FAF1: variants seen among roughly 807,000 people sequenced by gnomAD.
FAF1 encodes the protein Fas associated factor 1.
A neutral mutation model predicts 92.5 loss-of-function variants in FAF1; 25 were observed. The ratio of observed to expected loss-of-function variants is 0.27; its 90% confidence interval spans 0.20 to 0.38. FAF1 has a LOEUF of 0.38. FAF1 is among the 10% of genes least tolerant of loss of function. The pLI, the probability that FAF1 is intolerant of heterozygous loss-of-function variation, is 1.00. For missense variants in FAF1, 636 were observed against 793.3 expected, an observed-to-expected ratio of 0.80 and a Z score of 2.38; for synonymous variants, 234 against 273.2, an observed-to-expected ratio of 0.86 and a Z score of 1.42.
At chr1:50,459,631 G>C (rs1207427165) in intron 18 of FAF1, among the ~76,000 whole-genome samples, 2 of 152,096 alleles carry the variant, frequency 1.3e-5, no homozygotes, top group African/African-American at 4.8e-5. Context: ...TGATTCTGTT[G>C]TCTTCTCTTC....
At chr1:50,605,750 AAG>A (rs1367327314) in intron 8 of FAF1, among the ~76,000 whole-genome samples, 16 of 152,332 alleles carry the variant, frequency 1.1e-4, no homozygotes, top group South Asian at 4.1e-4. Flanking sequence ...GTGAGGGGGA[AAG>A]AGAGATCTGG....
chr1:50,777,470 A>G (rs1341951524), intron 4 of FAF1, among the ~76,000 whole-genome samples: 4 of 152,186 alleles, frequency 2.6e-5, no homozygotes, highest in Non-Finnish European at 4.4e-5. Context: ...AAAATGCCAT[A>G]GTGAATTTGT....
intron 4 of FAF1, chr1:50,780,961 G>T: frequency 2.1e-6 from 1 of 483,616 alleles, no homozygotes; most frequent in Non-Finnish European, 4.1e-6. Flanking sequence ...GGAACAGGAG[G>T]TCATCATCTC....
chr1:50,650,973 T>C (rs11205752), intron 8 of FAF1, among the ~76,000 whole-genome samples: 14,002 of 152,180 alleles, frequency 0.092, 823 homozygotes, highest in African/African-American at 0.17. Context: ...CCACACCCTA[T>C]TCGAGTACAA....
intron 1 of FAF1, among the ~76,000 whole-genome samples, chr1:50,931,222 C>A (rs1353087488): frequency 6.6e-6 from 1 of 152,140 alleles, no homozygotes; most frequent in East Asian, 1.9e-4. Flanking sequence ...AGTTTACTAT[C>A]TTGGTTCTTT....
intron 7 of FAF1, among the ~76,000 whole-genome samples, chr1:50,673,891 G>T (rs949403143): frequency 6.6e-6 from 1 of 151,392 alleles, no homozygotes; most frequent in Non-Finnish European, 1.5e-5. Context: ...TAAACTGAGG[G>T]TCCCAAACTC....
intron 4 of FAF1, among the ~76,000 whole-genome samples, chr1:50,783,831 C>T (rs1393152308): frequency 6.6e-6 from 1 of 152,102 alleles, no homozygotes; most frequent in Non-Finnish European, 1.5e-5. Context: ...ACCAAGATCA[C>T]ACCACTGCAC....
chr1:50,759,577 G>T (rs1419487505), intron 4 of FAF1, among the ~76,000 whole-genome samples: 2 of 152,004 alleles, frequency 1.3e-5, no homozygotes, highest in Non-Finnish European at 2.9e-5. Flanking sequence ...TTGGTTCCAA[G>T]TCTTTGCTAT....
At chr1:50,639,985 G>A (rs1464846140) in intron 8 of FAF1, among the ~76,000 whole-genome samples, 1 of 149,506 alleles carries the variant, frequency 6.7e-6, no homozygotes, top group Admixed American at 6.7e-5. Flanking sequence ...TTGTTATATG[G>A]TACCATACCA....
At chr1:50,594,527 G>A (rs1028591179) in intron 9 of FAF1, among the ~76,000 whole-genome samples, 1 of 147,910 alleles carries the variant, frequency 6.8e-6, no homozygotes, top group Non-Finnish European at 1.5e-5. Flanking sequence ...AGTGCTGTTT[G>A]TAGCCATGGA....
chr1:50,776,339 C>T (rs1660958974), intron 4 of FAF1, among the ~76,000 whole-genome samples: 1 of 152,134 alleles, frequency 6.6e-6, no homozygotes, highest in South Asian at 2.1e-4. Context: ...TATGTATCTA[C>T]TCCTGCTTCT....
intron 8 of FAF1, among the ~76,000 whole-genome samples, chr1:50,636,214 G>A (rs563866703): frequency 2.0e-5 from 3 of 152,080 alleles, no homozygotes; most frequent in African/African-American, 7.2e-5. Context: ...ATATTTAGAA[G>A]AGTTTTTATA....
intron 4 of FAF1, among the ~76,000 whole-genome samples, chr1:50,769,986 C>T (rs1449005140): frequency 1.3e-5 from 2 of 152,040 alleles, no homozygotes; most frequent in Middle Eastern, 3.4e-3. Flanking sequence ...GGGAGGCGGA[C>T]GTTGCAGTGA....
rs1398207267 is a variant in FAF1, at chr1:50,754,856, G to A, written c.368-10081C>T. ...TTACATGAATGGCAGCAAGCAGAGA[G>A]AGGTTGTGTAGGGAAACTCCTCCTT... On this transcript the variant is annotated intron_variant, in intron 4 of 18. Transcript: ENST00000396153. Among the ~76,000 whole-genome samples the A allele has an allele frequency of 2.0e-5, 3 of 152,112 alleles. No homozygotes were observed. The East Asian group carries it at 5.8e-4, about 29-fold the overall frequency.
chr1:50,638,943 A>G (rs549554575), intron 8 of FAF1, among the ~76,000 whole-genome samples: 1 of 152,328 alleles, frequency 6.6e-6, no homozygotes, highest in Non-Finnish European at 1.5e-5. Context: ...ACACATTTCT[A>G]TGACTCCCAA....
chr1:50,619,006 C>T (rs1000297093), intron 8 of FAF1, among the ~76,000 whole-genome samples: 1 of 152,160 alleles, frequency 6.6e-6, no homozygotes, highest in African/African-American at 2.4e-5. Flanking sequence ...ATTCACCAGC[C>T]TTGGACTCCC....
At chr1:50,453,967 A>G (rs1646323697) in intron 18 of FAF1, among the ~76,000 whole-genome samples, 1 of 152,212 alleles carries the variant, frequency 6.6e-6, no homozygotes, top group Non-Finnish European at 1.5e-5. Context: ...GTGCTCTAGG[A>G]CAAGTCACTT....
intron 15 of FAF1, among the ~76,000 whole-genome samples, chr1:50,528,569 A>C (rs1270238920): frequency 6.6e-6 from 1 of 152,196 alleles, no homozygotes; most frequent in East Asian, 1.9e-4. Context: ...GTATGAAAAT[A>C]ATCACACTCA....
intron 6 of FAF1, among the ~76,000 whole-genome samples, chr1:50,719,246 A>G (rs960264270): frequency 6.6e-6 from 1 of 152,208 alleles, no homozygotes. Flanking sequence ...AAACTAACAT[A>G]TACTAATAAT....
Sources: gnomAD v4.1 joint callset for allele counts (sites outside exome capture counted in the v4.1 genomes callset) on GRCh38, gnomAD v4.1.1 for gene constraint, MANE v1.5 for transcripts, NCBI Gene and HGNC (gene_info 2026-07-23, HGNC 2026-07-21) for gene names.